PHF20: variants seen among roughly 807,000 people sequenced by gnomAD.
The protein encoded by PHF20 is PHD finger protein 20.
A neutral mutation model predicts 113.5 loss-of-function variants in PHF20; 23 were observed. The observed-to-expected ratio is 0.20, with a 90% CI of 0.15 to 0.29. The LOEUF (loss-of-function observed/expected upper bound fraction) is 0.29. Among genes scored for constraint, PHF20 ranks in the 10% least tolerant of loss-of-function variants. PHF20 has a pLI of 1.00. For missense variants in PHF20, 943 were observed against 1,219.6 expected, an observed-to-expected ratio of 0.77 and a Z score of 3.38; for synonymous variants, 434 against 457.3, an observed-to-expected ratio of 0.95 and a Z score of 0.65.
chr20:35,843,738 C>T (rs58121874), intron 3 of PHF20, among the ~76,000 whole-genome samples: 7,701 of 151,774 alleles, frequency 0.051, 248 homozygotes, highest in African/African-American at 0.099. Context: ...CCACCACACC[C>T]GGCTAATTTT....
At chr20:35,859,682 G>T (rs2054181073) in intron 5 of PHF20, among the ~76,000 whole-genome samples, 1 of 151,924 alleles carries the variant, frequency 6.6e-6, no homozygotes, top group Non-Finnish European at 1.5e-5. Context: ...AAGTAGCTGA[G>T]ACTAGGCGCG....
At chr20:35,816,785 G>T (rs1379059647) in intron 2 of PHF20, among the ~76,000 whole-genome samples, 1 of 144,162 alleles carries the variant, frequency 6.9e-6, no homozygotes, top group Non-Finnish European at 1.5e-5. Flanking sequence ...AAAATTAAAT[G>T]AGTTTTTTTT....
At chr20:35,817,929 A>G (rs1396738480) in intron 2 of PHF20, among the ~76,000 whole-genome samples, 1 of 151,996 alleles carries the variant, frequency 6.6e-6, no homozygotes, top group Non-Finnish European at 1.5e-5. Flanking sequence ...GCAACATGAC[A>G]AAACCCCATC....
chr20:35,834,247 GTTT>G (rs769738682), intron 2 of PHF20, among the ~76,000 whole-genome samples: 1 of 111,072 alleles, frequency 9.0e-6, no homozygotes, highest in Admixed American at 9.8e-5. Flanking sequence ...TACAGCTATG[GTTT>G]TTTTTTTTTT....
chr20:35,899,376 A>G lies in PHF20; in HGVS notation c.1289A>G (p.Asn430Ser). The change falls in exon 10 of 18, where the codon AAT becomes AGT. Residue 430 changes from asparagine to serine, a missense_variant. Coordinates refer to ENST00000374012, the MANE Select transcript of PHF20 (RefSeq NM_016436.5). ...TTGTTTTTATTTTTTTCAGTAACAA[A>G]TACTTTTAAGAAAACAGATGATTTT... ...LQEISTVEVT[N>S]TFKKTDDFGS... is the part of the protein sequence containing the mutation. The G allele has an allele frequency of 6.2e-7, 1 of 1,601,990 alleles. No individual in the cohort carries two copies. The highest frequency in any genetic ancestry group is 8.5e-7 in the Non-Finnish European group (1 of 1,173,346).
At chr20:35,801,030 A>G (rs143387937) in intron 1 of PHF20, among the ~76,000 whole-genome samples, 2 of 152,196 alleles carry the variant, frequency 1.3e-5, no homozygotes, top group African/African-American at 4.8e-5. Context: ...TTTCATTGCA[A>G]TTACAGTTTG....
rs537693716 is a variant in PHF20 at position 35,780,290 on chromosome 20, A to G, written c.-33+8211A>G. On this transcript the variant is annotated intron_variant, in intron 1 of 17. Transcript: ENST00000374012. ...GCCCAGGCTGGAGTGCAGTGGCACA[A>G]TCTCAGCTCACTGCAAGCTCCGCCT... is the stretch of plus-strand genomic sequence containing the variant. 2.0e-5 allele frequency among the ~76,000 whole-genome samples: 3 copies of G among 148,584 alleles called. No individual in the cohort carries two copies. The East Asian group carries it at 6.0e-4, about 30-fold the overall frequency.
intron 9 of PHF20, chr20:35,878,585 T>C: frequency 1.3e-6 from 1 of 754,320 alleles, no homozygotes. Context: ...AATTGTTGCA[T>C]ATGGATTATA....
At chr20:35,946,390 C>T (rs556234907) in intron 17 of PHF20, among the ~76,000 whole-genome samples, 5 of 152,086 alleles carry the variant, frequency 3.3e-5, no homozygotes, top group South Asian at 2.1e-4. Context: ...GCTGAGATGG[C>T]GCCACTGCAC....
intron 7 of PHF20, among the ~76,000 whole-genome samples, chr20:35,870,030 C>T (rs1031997691): frequency 1.3e-5 from 2 of 151,018 alleles, no homozygotes; most frequent in Non-Finnish European, 3.0e-5. Context: ...TGTGGCCAGG[C>T]GCGGTAGCTC....
At chr20:35,881,871 A>G (rs2054642313) in intron 9 of PHF20, among the ~76,000 whole-genome samples, 1 of 152,258 alleles carries the variant, frequency 6.6e-6, no homozygotes, top group Non-Finnish European at 1.5e-5. Context: ...TGCAGGGCCC[A>G]GCTTCTTCTG....
chr20:35,837,664 A>G (rs1330202901), intron 2 of PHF20, among the ~76,000 whole-genome samples: 1 of 152,244 alleles, frequency 6.6e-6, no homozygotes, highest in East Asian at 1.9e-4. Flanking sequence ...TTTAAAGCCT[A>G]ATCCATTTAT....
intron 2 of PHF20, among the ~76,000 whole-genome samples, chr20:35,833,926 C>T (rs1295681377): frequency 2.0e-5 from 3 of 151,780 alleles, no homozygotes; most frequent in South Asian, 2.1e-4. Flanking sequence ...GGCATGGTGG[C>T]GCACACCTGT....
intron 2 of PHF20, among the ~76,000 whole-genome samples, chr20:35,808,774 A>G (rs1001569864): frequency 1.3e-4 from 19 of 150,134 alleles, no homozygotes; most frequent in Non-Finnish European, 1.9e-4. Context: ...GGGCTTCACC[A>G]TGTTGGCCAG....
chr20:35,945,751 G>C (rs1297965565), intron 17 of PHF20, among the ~76,000 whole-genome samples: 2 of 152,112 alleles, frequency 1.3e-5, no homozygotes, highest in Non-Finnish European at 2.9e-5. Context: ...AGAGCTTTAG[G>C]GGGTAGCTTA....
Position 35,853,067 on chromosome 20 carries a change from C to T in PHF20, c.341-5235C>T, listed in dbSNP as rs184013455. Among the ~76,000 whole-genome samples, 84 of 150,514 alleles carry T rather than the reference C, an allele frequency of 5.6e-4. 1 individual carries two copies. Among genetic ancestry groups the T allele is most frequent in the African/African-American group, 1.9e-3 (80 of 41,124 alleles). ...GTGAAACCCGTCTCTACTAAAAATA[C>T]AAAAAGTAGCTGGGCTTGGTGGCGC... is the stretch of plus-strand genomic sequence containing the variant. On this transcript the variant is annotated intron_variant, in intron 4 of 17. Coordinates refer to ENST00000374012, the MANE Select transcript of PHF20 (RefSeq NM_016436.5).
intron 1 of PHF20, among the ~76,000 whole-genome samples, chr20:35,778,613 C>T (rs6121042): frequency 0.67 from 100,973 of 151,792 alleles, 37,322 homozygotes; most frequent in East Asian, 0.82. Context: ...ATTAGTCAGG[C>T]GTGGTGGCAG....
At chr20:35,894,817 T>C (rs1290450241) in intron 9 of PHF20, among the ~76,000 whole-genome samples, 1 of 152,190 alleles carries the variant, frequency 6.6e-6, no homozygotes. Flanking sequence ...TACTGTTTGA[T>C]TTATGTAGAT....
At chr20:35,927,962 C>A in intron 14 of PHF20, 83 bp downstream of exon 14, 2 of 956,874 alleles carry the variant, frequency 2.1e-6, no homozygotes, top group Non-Finnish European at 3.4e-6. Context: ...TAAATGTCTG[C>A]GGTCTTGAGA....
Sources: gnomAD v4.1 joint callset for allele counts (sites outside exome capture counted in the v4.1 genomes callset) on GRCh38, gnomAD v4.1.1 for gene constraint, MANE v1.5 for transcripts, NCBI Gene and HGNC (gene_info 2026-07-23, HGNC 2026-07-21) for gene names.